Variants in IL3RA observed in about 807,000 individuals in gnomAD.
IL3RA encodes the protein interleukin-3 receptor subunit alpha.
In IL3RA, 73 loss-of-function variants were observed where a neutral mutation model predicts 52.3. The ratio of observed to expected loss-of-function variants is 1.40; its 90% CI spans 1.16 to 1.70. The LOEUF (loss-of-function observed/expected upper bound fraction) is 1.70, where lower values mean the gene tolerates loss of function less well. Ranked by LOEUF, IL3RA falls within the 40% of genes most tolerant of loss-of-function variation. The pLI, the probability that IL3RA is intolerant of heterozygous loss-of-function variation, is 0.00. For missense variants in IL3RA, 664 were observed against 504.4 expected (o/e 1.32, Z -3.03); for synonymous variants, 260 against 194.0 (o/e 1.34, Z -2.83).
chrX:1,380,728 C>T (rs2149228565), intron 10 of IL3RA, among the ~76,000 whole-genome samples: 1 of 150,602 alleles, frequency 6.6e-6, no homozygotes, highest in South Asian at 2.1e-4. Context: ...TTCCTGCAAG[C>T]TGTCTCAGGT....
chrX:1,343,666 C>CAAAAAAAA (rs760518972), intron 2 of IL3RA, among the ~76,000 whole-genome samples: 11 of 68,662 alleles, frequency 1.6e-4, no homozygotes, highest in African/African-American at 4.5e-4. Context: ...GGCTCCATCT[C>CAAAAAAAA]AAAAAAAAAA....
intron 1 of IL3RA, among the ~76,000 whole-genome samples, chrX:1,338,080 T>C (rs1348443721): frequency 6.6e-6 from 1 of 150,962 alleles, no homozygotes; most frequent in Non-Finnish European, 1.5e-5. Flanking sequence ...AACAAGCAGC[T>C]TTATTCACAA....
At chrX:1,368,085 CG>C (rs1369676886) in intron 9 of IL3RA, among the ~76,000 whole-genome samples, 1 of 152,012 alleles carries the variant, frequency 6.6e-6, no homozygotes, top group Non-Finnish European at 1.5e-5. Flanking sequence ...CGGTGAAACC[CG>C]GTCTCTACAA....
At chrX:1,350,649 C>G (rs9781089) in intron 4 of IL3RA, among the ~76,000 whole-genome samples, 89,116 of 119,774 alleles carry the variant, frequency 0.74, 34,881 homozygotes, top group Middle Eastern at 0.84. Flanking sequence ...CACCTGTAAT[C>G]CCAGCACTTT....
chrX:1,340,161 G>A (rs2085439005), intron 1 of IL3RA, among the ~76,000 whole-genome samples: 1 of 141,650 alleles, frequency 7.1e-6, no homozygotes, highest in Non-Finnish European at 1.6e-5. Context: ...TGTCGTCCAG[G>A]CTGGAGTGCA....
chrX:1,349,598 C>T (rs2085988355), intron 4 of IL3RA, among the ~76,000 whole-genome samples: 1 of 152,116 alleles, frequency 6.6e-6, no homozygotes, highest in African/African-American at 2.4e-5. Flanking sequence ...AAGCATCAGC[C>T]ACCACGCCTG....
At chrX:1,358,939 TTTA>T (rs758737821) in intron 8 of IL3RA, 52 bp downstream of exon 8, 299 of 1,385,902 alleles carry the variant, frequency 2.2e-4, no homozygotes, top group African/African-American at 1.2e-3. Flanking sequence ...AAGGGTGAGT[TTTA>T]TTATTATTAA....
chrX:1,377,390 G>GCCA (rs1886904276), intron 9 of IL3RA, among the ~76,000 whole-genome samples: 1 of 151,968 alleles, frequency 6.6e-6, no homozygotes, highest in South Asian at 2.1e-4. Flanking sequence ...ACAGGCGCCC[G>GCCA]CCACCACACC....
intron 7 of IL3RA, 90 bp downstream of exon 7, chrX:1,356,426 C>T (rs1261713635): frequency 1.3e-5 from 10 of 758,146 alleles, no homozygotes; most frequent in Non-Finnish European, 2.2e-5. Flanking sequence ...AAACGGGCAA[C>T]AATCTCCTCT....
In IL3RA at chrX:1,360,070, TCTCC is replaced by T; in HGVS notation, c.759+1188_759+1191del. Among the ~76,000 whole-genome samples the T allele has an allele frequency of 2.0e-5, 3 of 147,782 alleles. No individual in the cohort carries two copies. In the East Asian group the frequency reaches 6.2e-4, roughly 31 times the overall value. ...GTCTGTCTCTGTATCTCTCTCCCTT[TCTCC>T]CTCCATCTTTCTCTCTCTCTCCCGG... On this transcript the variant is annotated intron_variant, in intron 8 of 11. Coordinates refer to ENST00000331035, the MANE Select transcript of IL3RA (RefSeq NM_002183.4).
At chrX:1,337,504 C>T (rs1265242013) in intron 1 of IL3RA, among the ~76,000 whole-genome samples, 5 of 152,150 alleles carry the variant, frequency 3.3e-5, no homozygotes, top group African/African-American at 1.2e-4. Context: ...GTGGAGACAG[C>T]CCTCGTACCC....
At position 1,345,974 on chromosome X, in the gene IL3RA, C is replaced by A. The variant is rs149388170; in HGVS notation, c.183+540C>A. Among the ~76,000 whole-genome samples, 10 of 152,050 alleles carry A rather than the reference C, an allele frequency of 6.6e-5. No individual in the cohort carries two copies. The East Asian group carries it at 1.2e-3, about 18-fold the overall frequency. Reference sequence around the variant, plus strand: ...GACATCTAAGATGGCACACACTGGACAGGGTGGATGTGAAAGTGAAATGAG... The same window carrying A: ...GACATCTAAGATGGCACACACTGGAAAGGGTGGATGTGAAAGTGAAATGAG... On this transcript the variant is annotated intron_variant, in intron 3 of 11. Transcript: ENST00000331035.
At chrX:1,360,573 C>T (rs1278107620) in intron 8 of IL3RA, among the ~76,000 whole-genome samples, 20 of 152,104 alleles carry the variant, frequency 1.3e-4, no homozygotes, top group African/African-American at 4.3e-4. Context: ...GGCTGGAGTG[C>T]GATGGCACGA....
At chrX:1,381,928 TTTTTG>T (rs770833059) in intron 11 of IL3RA, among the ~76,000 whole-genome samples, 41 of 109,852 alleles carry the variant, frequency 3.7e-4, no homozygotes, top group Non-Finnish European at 5.0e-4. Context: ...CTGTCAGAGT[TTTTTG>T]TTTTGTTTTG....
chrX:1,378,396 G>T (rs2088947151), intron 9 of IL3RA, among the ~76,000 whole-genome samples: 1 of 152,114 alleles, frequency 6.6e-6, no homozygotes, highest in Non-Finnish European at 1.5e-5. Context: ...AGGGATCCCT[G>T]GTGGTCTTTC....
At position 1,350,824 on chromosome X, in the gene IL3RA, G is replaced by A. The variant is rs28523476; in HGVS notation, c.299-1276G>A. On this transcript the variant is annotated intron_variant, in intron 4 of 11. Coordinates refer to ENST00000331035, the MANE Select transcript of IL3RA (RefSeq NM_002183.4). ...TGAGGCAGGAGAATCACTTGAACCT[G>A]GGAGGCGGAGGTTGTGGTGAGCCAT... 7.8e-3 allele frequency among the ~76,000 whole-genome samples: 1,177 copies of A among 151,852 alleles called. 16 individuals carry two copies. Among genetic ancestry groups the A allele is most frequent in the African/African-American group, 0.026 (1,092 of 41,392 alleles).
At chrX:1,360,900 T>C (rs2087233271) in intron 8 of IL3RA, among the ~76,000 whole-genome samples, 2 of 136,504 alleles carry the variant, frequency 1.5e-5, no homozygotes, top group Non-Finnish European at 3.1e-5. Context: ...TCCCTTCCCC[T>C]CTCTGTCTCT....
intron 8 of IL3RA, among the ~76,000 whole-genome samples, chrX:1,363,898 T>A (rs1226668199): frequency 2.6e-5 from 4 of 151,312 alleles, no homozygotes; most frequent in East Asian, 2.0e-4. Context: ...TAAAAAAAAA[T>A]TTGGCTGGGC....
At chrX:1,353,223 A>ACC (rs763463906) in intron 6 of IL3RA, among the ~76,000 whole-genome samples, 3 of 25,488 alleles carry the variant, frequency 1.2e-4, no homozygotes, top group African/African-American at 4.2e-4. Flanking sequence ...GGGTAATAGG[A>ACC]CCCCCCCATC....
Sources: allele counts gnomAD v4.1 joint callset (sites outside exome capture counted in the v4.1 genomes callset), GRCh38; gene constraint gnomAD v4.1.1; transcripts MANE v1.5; gene names NCBI Gene and HGNC (gene_info 2026-07-23, HGNC 2026-07-21).